The following BCCIP variants were observed in gnomAD, a reference collection of about 807,000 sequenced individuals.
BCCIP encodes the protein BRCA2 and CDKN1A interacting protein.
BCCIP carries 23 observed loss-of-function variants against 32.8 expected under a neutral mutation model. The ratio of observed to expected loss-of-function variants is 0.70; its 90% CI spans 0.51 to 0.99. The LOEUF (loss-of-function observed/expected upper bound fraction) is 0.99. Ranked by LOEUF, BCCIP falls within the 50% of genes least tolerant of loss-of-function variation. The pLI, the probability that BCCIP is intolerant of heterozygous loss-of-function variation, is 0.00. For missense variants in BCCIP, 378 were observed against 379.8 expected, an observed-to-expected ratio of 1.00 and a Z score of 0.04; for synonymous variants, 144 against 137.6, an observed-to-expected ratio of 1.05 and a Z score of -0.33.
downstream of BCCIP, chr10:125,836,728 C>T (rs745318505): frequency 6.2e-7 from 1 of 1,614,068 alleles, no homozygotes; most frequent in Admixed American, 1.7e-5. Context: ...GGGCACGTCT[C>T]ACACATTTGC....
At chr10:125,826,815 CATA>C in intron 2 of BCCIP, 150 bp downstream of exon 2, 2 of 1,373,126 alleles carry the variant, frequency 1.5e-6, no homozygotes, top group Non-Finnish European at 1.9e-6. Flanking sequence ...GCCTGGGCAA[CATA>C]ATGAGAACCT....
chr10:125,828,575 G>C (rs1314389946), intron 3 of BCCIP, among the ~76,000 whole-genome samples: 1 of 152,116 alleles, frequency 6.6e-6, no homozygotes, highest in Non-Finnish European at 1.5e-5. Flanking sequence ...GAAGGAGGAG[G>C]GGATGGTCAT....
At chr10:125,831,733 G>A in intron 5 of BCCIP, 126 bp downstream of exon 5, 1 of 865,320 alleles carries the variant, frequency 1.2e-6, no homozygotes, top group South Asian at 2.0e-5. Flanking sequence ...GGTTTAGTGT[G>A]AGGGGAGTGG....
chr10:125,838,875 A>C, downstream of BCCIP: 1 of 1,132,524 alleles, frequency 8.8e-7, no homozygotes, highest in Admixed American at 2.4e-5. Context: ...CCAAATCTTT[A>C]ATAATAACAT....
intron 6 of BCCIP, among the ~76,000 whole-genome samples, chr10:125,835,827 CAATT>C (rs1258649912): frequency 6.6e-6 from 1 of 152,230 alleles, no homozygotes; most frequent in African/African-American, 2.4e-5. Flanking sequence ...ATTATTTTGA[CAATT>C]AAATGAAAAT....
downstream of BCCIP, chr10:125,836,961 A>T (rs1854710044): frequency 1.1e-6 from 1 of 936,974 alleles, no homozygotes; most frequent in Non-Finnish European, 1.6e-6. Context: ...TACCTGTAGA[A>T]CCGGTATTTA....
downstream of BCCIP, among the ~76,000 whole-genome samples, chr10:125,844,961 G>C (rs956219996): frequency 6.6e-6 from 1 of 152,222 alleles, no homozygotes; most frequent in Admixed American, 6.5e-5. Flanking sequence ...TTTCTTCACT[G>C]TTCTGTGTGC....
chr10:125,841,565 TAAG>T, exon 7 of BCCIP: 2 of 1,430,108 alleles, frequency 1.4e-6, no homozygotes, highest in Admixed American at 3.0e-5. Context: ...TTTTTCATAT[TAAG>T]AAAATTTTCC....
rs769971747 is a variant in BCCIP at position 125,841,827 on chromosome 10, C to T, written c.*468C>T. On this transcript the variant is annotated 3_prime_UTR_variant, in exon 7 of 7. Coordinates refer to the BCCIP transcript ENST00000299130. Reference sequence around the variant, plus strand: ...AAGATAGACTTCGAGAGTTGTGGATCAAGAGGAAACTCTGACATGATGATT... The same window carrying T: ...AAGATAGACTTCGAGAGTTGTGGATTAAGAGGAAACTCTGACATGATGATT... 7 of 1,613,692 alleles carry T rather than the reference C, an allele frequency of 4.3e-6. No individual in the cohort carries two copies. Among genetic ancestry groups the T allele is most frequent in the Non-Finnish European group, 5.9e-6 (7 of 1,179,978 alleles).
chr10:125,825,735 CAG>C (rs1461944715), intron 1 of BCCIP: 7 of 152,246 alleles, frequency 4.6e-5, no homozygotes, highest in Non-Finnish European at 1.0e-4. Flanking sequence ...ATTATTTCAT[CAG>C]AGCCCCAGGT....
intron 5 of BCCIP, among the ~76,000 whole-genome samples, chr10:125,832,204 ATT>A (rs538971759): frequency 2.8e-5 from 4 of 144,990 alleles, no homozygotes; most frequent in Non-Finnish European, 3.0e-5. Context: ...TCTAATTTAA[ATT>A]TTTTTTTTTT....
At chr10:125,852,198 G>T (rs1011433484) in intron 7 of BCCIP, 8 of 1,447,568 alleles carry the variant, frequency 5.5e-6, no homozygotes, top group Non-Finnish European at 5.6e-6. Context: ...ATGCTTGTGT[G>T]CATTGCTGCG....
chr10:125,848,457 C>T (rs1021298503), intron 7 of BCCIP, among the ~76,000 whole-genome samples: 1 of 152,170 alleles, frequency 6.6e-6, no homozygotes, highest in Non-Finnish European at 1.5e-5. Context: ...AGTGGCTTGC[C>T]AAAGCCACAT....
downstream of BCCIP, among the ~76,000 whole-genome samples, chr10:125,845,216 T>G (rs1943999449): frequency 6.6e-6 from 1 of 152,196 alleles, no homozygotes; most frequent in Non-Finnish European, 1.5e-5. Flanking sequence ...AGATGTCAGA[T>G]GGTAGGAAGC....
At chr10:125,827,449 C>T in intron 2 of BCCIP, 109 bp from the exon 3 acceptor site, 3 of 712,254 alleles carry the variant, frequency 4.2e-6, no homozygotes, top group Non-Finnish European at 6.7e-6. Context: ...TTTTCTAGAT[C>T]ATCATCTTAA....
chr10:125,836,233 A>C lies in BCCIP; in HGVS notation c.904A>C (p.Asn302His). ...GATGTTAATTCCAGGCGACAAGATG[A>C]ACGAAATCATGGATAAACTGAAAGA... is the stretch of plus-strand genomic sequence containing the variant. ...TVMLIPGDKM[N>H]EIMDKLKEYL... The change falls in exon 7 of 7, where the codon AAC becomes CAC. Residue 302 changes from asparagine to histidine, a missense_variant. Asn to His is a moderately conservative substitution (Grantham distance 68, BLOSUM62 1). Coordinates refer to ENST00000278100, the MANE Select transcript of BCCIP (RefSeq NM_078468.3). 1 of 1,614,216 alleles carries C rather than the reference A, an allele frequency of 6.2e-7. No homozygotes were observed. The highest frequency in any genetic ancestry group is 8.5e-7 in the Non-Finnish European group (1 of 1,180,008).
At chr10:125,845,713 T>G (rs1427650425), downstream of BCCIP, among the ~76,000 whole-genome samples, 1 of 152,238 alleles carries the variant, frequency 6.6e-6, no homozygotes, top group East Asian at 1.9e-4. Flanking sequence ...GAAAAGCATT[T>G]TCAACTCCCT....
chr10:125,851,661 T>C (rs1404656440), intron 7 of BCCIP, among the ~76,000 whole-genome samples: 2 of 152,134 alleles, frequency 1.3e-5, no homozygotes, highest in Admixed American at 6.5e-5. Context: ...CCCCAAAATA[T>C]ACTTCTCTGG....
chr10:125,847,320 T>C (rs567815152), downstream of BCCIP, among the ~76,000 whole-genome samples: 25 of 152,356 alleles, frequency 1.6e-4, no homozygotes, highest in African/African-American at 5.8e-4. Context: ...AGTTCCCTTA[T>C]CATAATTCAC....
Sources: gnomAD v4.1 joint callset for allele counts (sites outside exome capture counted in the v4.1 genomes callset) on GRCh38, gnomAD v4.1.1 for gene constraint, MANE v1.5 for transcripts, NCBI Gene and HGNC (gene_info 2026-07-23, HGNC 2026-07-21) for gene names.